SCAF8: variants seen among roughly 807,000 people sequenced by gnomAD.
The protein encoded by SCAF8 is SR-related and CTD-associated factor 8.
SCAF8 carries 23 observed loss-of-function variants against 140.5 expected under a neutral mutation model. The observed-to-expected ratio is 0.16, with a 90% CI of 0.12 to 0.23. The LOEUF is 0.23. SCAF8 is among the 10% of genes least tolerant of loss of function. The pLI is 1.00. For missense variants in SCAF8, 1,397 were observed against 1,555.7 expected (o/e 0.90, Z 1.72); for synonymous variants, 575 against 528.9 (o/e 1.09, Z -1.20).
chr6:154,742,580 C>T (rs1298378693), intron 1 of SCAF8, among the ~76,000 whole-genome samples: 1 of 152,092 alleles, frequency 6.6e-6, no homozygotes, highest in Admixed American at 6.5e-5. Context: ...AAACATGATG[C>T]ATTTGCTTTT....
intron 3 of SCAF8, among the ~76,000 whole-genome samples, chr6:154,784,053 C>T (rs1010460983): frequency 5.5e-5 from 8 of 144,666 alleles, no homozygotes; most frequent in Non-Finnish European, 9.0e-5. Context: ...GGTGACAGAG[C>T]GAGACTCCGT....
At chr6:154,768,198 G>A (rs1583017305) in intron 1 of SCAF8, among the ~76,000 whole-genome samples, 2 of 152,018 alleles carry the variant, frequency 1.3e-5, no homozygotes, top group South Asian at 2.1e-4. Flanking sequence ...GGGCAACTGC[G>A]GCTGAAGATC....
chr6:154,733,783 C>T lies in SCAF8; in HGVS notation c.-118C>T, dbSNP rs1004573857. 1.4e-6 allele frequency: 2 copies of T among 1,384,222 alleles called. No homozygotes were observed. Among genetic ancestry groups the T allele is most frequent in the Non-Finnish European group, 1.9e-6 (2 of 1,071,852 alleles). 85.7% of individuals were successfully genotyped at this position (1,384,222 alleles called of 1,614,324 possible). On this transcript the variant is annotated 5_prime_UTR_variant, in exon 1 of 20. Transcript: ENST00000367178. The stretch of plus-strand genomic sequence containing the variant: ...TCCGCCCCGAGGTCGCAGCGGCCCG[C>T]TCTCCCGCCAGCGCCCCCTCCTCGC...
chr6:154,753,586 C>A (rs897499486), intron 1 of SCAF8, among the ~76,000 whole-genome samples: 2 of 152,036 alleles, frequency 1.3e-5, no homozygotes, highest in Non-Finnish European at 2.9e-5. Flanking sequence ...TTGCAGTGAG[C>A]CAAGATCGCG....
At chr6:154,800,471 A>G (rs1777740820) in intron 6 of SCAF8, among the ~76,000 whole-genome samples, 1 of 151,624 alleles carries the variant, frequency 6.6e-6, no homozygotes, top group Non-Finnish European at 1.5e-5. Context: ...CTGGGCTGTG[A>G]AAACTATAAA....
chr6:154,823,593 A>C (rs1778481898), intron 16 of SCAF8, among the ~76,000 whole-genome samples: 1 of 152,220 alleles, frequency 6.6e-6, no homozygotes, highest in African/African-American at 2.4e-5. Flanking sequence ...TGGTCCAAGA[A>C]ATTGGAAAGA....
intron 12 of SCAF8, among the ~76,000 whole-genome samples, chr6:154,811,259 T>C (rs184576785): frequency 5.4e-4 from 83 of 152,330 alleles, no homozygotes; most frequent in Admixed American, 4.7e-3. Context: ...TCTACTGTGC[T>C]TTCTCGCATG....
intron 1 of SCAF8, among the ~76,000 whole-genome samples, chr6:154,770,038 G>A (rs185994281): frequency 6.6e-6 from 1 of 152,234 alleles, no homozygotes; most frequent in East Asian, 1.9e-4. Flanking sequence ...CGGGCATACC[G>A]GTAGATTTTC....
At chr6:154,781,199 C>T (rs1220285708) in intron 3 of SCAF8, among the ~76,000 whole-genome samples, 1 of 151,944 alleles carries the variant, frequency 6.6e-6, no homozygotes, top group Non-Finnish European at 1.5e-5. Context: ...ACAATATACA[C>T]CAAGCAGAGA....
chr6:154,793,839 A>AAC (rs1554261614), intron 5 of SCAF8, among the ~76,000 whole-genome samples: 1 of 142,584 alleles, frequency 7.0e-6, no homozygotes, highest in Non-Finnish European at 1.5e-5. Flanking sequence ...AAAAAAAAAA[A>AAC]TTTTTTTAAA....
Position 154,831,255 on chromosome 6 carries a change from C to CTT in SCAF8, c.2359+123_2359+124dup, listed in dbSNP as rs376887698. 1.6e-3 allele frequency: 983 copies of CTT among 621,190 alleles called. 7 individuals are homozygous for CTT. In the African/African-American group the frequency reaches 0.017, roughly 10 times the overall value. The allele number at this position is 621,190 out of a possible 1,614,324, so 38.5% of individuals were successfully genotyped here. A position where few individuals can be genotyped will look rare whatever the true frequency, so the allele number is the denominator to read the frequency against. ...AATCTACAGATGCTGAAATGTCGCA[C>CTT]TTTTTTTTTAAAAGAGATCACTATG... On this transcript the variant is annotated intron_variant, in intron 19 of 19. Transcript: ENST00000367178.
At chr6:154,788,551 A>G (rs1346054792) in intron 4 of SCAF8, among the ~76,000 whole-genome samples, 2 of 152,226 alleles carry the variant, frequency 1.3e-5, no homozygotes, top group African/African-American at 4.8e-5. Flanking sequence ...CAGATTTGCT[A>G]CTTTTTAATT....
intron 1 of SCAF8, among the ~76,000 whole-genome samples, chr6:154,761,452 C>T (rs1045143926): frequency 2.6e-5 from 4 of 152,172 alleles, no homozygotes; most frequent in Non-Finnish European, 5.9e-5. Context: ...CACCAGTGCA[C>T]TCCATACTCC....
chr6:154,781,992 A>T (rs1315575210), intron 3 of SCAF8, among the ~76,000 whole-genome samples: 1 of 152,238 alleles, frequency 6.6e-6, no homozygotes, highest in Non-Finnish European at 1.5e-5. Flanking sequence ...ATGACAGTAA[A>T]TGAAAAATTA....
chr6:154,781,886 T>C, intron 3 of SCAF8, among the ~76,000 whole-genome samples: 1 of 152,218 alleles, frequency 6.6e-6, no homozygotes, highest in Non-Finnish European at 1.5e-5. Flanking sequence ...TCTCTTCATA[T>C]ACCATAAATT....
At chr6:154,803,509 T>A (rs757293145) in intron 7 of SCAF8, 35 bp from the exon 8 acceptor site, 3 of 1,499,910 alleles carry the variant, frequency 2.0e-6, no homozygotes, top group Non-Finnish European at 2.8e-6. Context: ...TGTGAAGCAC[T>A]TTTTAATATG....
chr6:154,739,620 T>A (rs1451028834), intron 1 of SCAF8, among the ~76,000 whole-genome samples: 1 of 152,252 alleles, frequency 6.6e-6, no homozygotes, highest in East Asian at 1.9e-4. Context: ...CCTTTAGTTA[T>A]ATTTAGGATA....
At chr6:154,817,435 G>A (rs778704575) in intron 13 of SCAF8, among the ~76,000 whole-genome samples, 9 of 152,124 alleles carry the variant, frequency 5.9e-5, no homozygotes, top group Non-Finnish European at 1.3e-4. Flanking sequence ...TAAGCACTAA[G>A]TTATTTTGTG....
chr6:154,777,479 T>C (rs1351555562), intron 2 of SCAF8, among the ~76,000 whole-genome samples: 1 of 152,238 alleles, frequency 6.6e-6, no homozygotes, highest in Non-Finnish European at 1.5e-5. Flanking sequence ...TTCTATGTTT[T>C]ATTTTGTATT....
Sources: allele counts gnomAD v4.1 joint callset (sites outside exome capture counted in the v4.1 genomes callset), GRCh38; gene constraint gnomAD v4.1.1; transcripts MANE v1.5; gene names NCBI Gene and HGNC (gene_info 2026-07-23, HGNC 2026-07-21).